MGST1: variants seen among roughly 807,000 people sequenced by gnomAD.
The protein encoded by MGST1 is glutathione S-transferase 12.
Under a neutral mutation model 8.9 loss-of-function variants are expected in MGST1, and 5 were observed. That is an observed-to-expected ratio of 0.56 (90% CI 0.29 to 1.19). MGST1 has a LOEUF of 1.19. Ranked by LOEUF, MGST1 falls within the 50% of genes most tolerant of loss-of-function variation. The pLI is 0.08. For synonymous variants in MGST1, 54 were observed against 67.8 expected, an observed-to-expected ratio of 0.80 and a Z score of 1.00; for missense variants, 182 against 187.4, an observed-to-expected ratio of 0.97 and a Z score of 0.17.
At chr12:16,375,509 CAACAG>C (rs1187005769) in intron 3 of MGST1, among the ~76,000 whole-genome samples, 1 of 151,926 alleles carries the variant, frequency 6.6e-6, no homozygotes, top group East Asian at 1.9e-4. Context: ...AATGGTAGGA[CAACAG>C]AATATGAAAA....
chr12:16,540,680 C>A (rs1433633174), intron 4 of MGST1, among the ~76,000 whole-genome samples: 1 of 152,168 alleles, frequency 6.6e-6, no homozygotes, highest in African/African-American at 2.4e-5. Context: ...CCTGTAATGC[C>A]AGCACTTTGG....
intron 1 of MGST1, among the ~76,000 whole-genome samples, chr12:16,415,137 T>C (rs765800441): frequency 2.1e-4 from 32 of 152,242 alleles, no homozygotes; most frequent in Non-Finnish European, 3.8e-4. Context: ...ATAGTAGATA[T>C]GTACATTTTC....
intron 4 of MGST1, among the ~76,000 whole-genome samples, chr12:16,535,190 A>G (rs1706417826): frequency 6.6e-6 from 1 of 152,224 alleles, no homozygotes; most frequent in African/African-American, 2.4e-5. Flanking sequence ...TCTAGCCACT[A>G]GCCCACTCTT....
At chr12:16,501,869 C>T (rs1349901974) in intron 4 of MGST1, among the ~76,000 whole-genome samples, 2 of 152,066 alleles carry the variant, frequency 1.3e-5, no homozygotes, top group Non-Finnish European at 2.9e-5. Context: ...TCAAACAGAA[C>T]TGTGAATTAA....
rs528822319 is a variant in MGST1 at position 16,399,142 on chromosome 12, G to A, written n.778+15538G>A. The stretch of plus-strand genomic sequence containing the variant: ...TCCGAGTAGATTGGTCCACATAAAT[G>A]GCCCCCGAAACCCATAAACACAAAT... On this transcript the variant is annotated intron_variant and non_coding_transcript_variant, in intron 1 of 1. Transcript: ENST00000359720. 1.5e-4 allele frequency: 127 copies of A among 853,464 alleles called. 2 individuals are homozygous for A. The South Asian group carries it at 1.9e-3, about 13-fold the overall frequency. The allele number at this position is 853,464 out of a possible 1,614,324, so 52.9% of individuals were successfully genotyped here. A position where few individuals can be genotyped will look rare whatever the true frequency, so the allele number is the denominator to read the frequency against.
At chr12:16,429,768 T>G (rs1940922783) in intron 1 of MGST1, among the ~76,000 whole-genome samples, 1 of 152,206 alleles carries the variant, frequency 6.6e-6, no homozygotes, top group Admixed American at 6.5e-5. Flanking sequence ...GTCATAATCA[T>G]GTTGCTGGTG....
At chr12:16,392,901 G>C (rs948307220) in intron 1 of MGST1, among the ~76,000 whole-genome samples, 8 of 151,878 alleles carry the variant, frequency 5.3e-5, no homozygotes, top group Non-Finnish European at 8.8e-5. Context: ...TCTATCTAGA[G>C]GGACCTAGAG....
At chr12:16,565,305 T>A (rs1289911325) in intron 4 of MGST1, among the ~76,000 whole-genome samples, 1 of 152,236 alleles carries the variant, frequency 6.6e-6, no homozygotes, top group Non-Finnish European at 1.5e-5. Context: ...TTTCACAGAT[T>A]GAAGGACAAT....
intron 4 of MGST1, among the ~76,000 whole-genome samples, chr12:16,540,354 C>T (rs1371807918): frequency 6.6e-6 from 1 of 152,152 alleles, no homozygotes; most frequent in Non-Finnish European, 1.5e-5. Flanking sequence ...CTCACTGAAG[C>T]CTTTACCTCC....
At chr12:16,538,595 A>G (rs1283353671) in intron 4 of MGST1, among the ~76,000 whole-genome samples, 1 of 149,418 alleles carries the variant, frequency 6.7e-6, no homozygotes, top group East Asian at 2.0e-4. Flanking sequence ...ATGGCAAGAG[A>G]TGAAAGGCAC....
intron 1 of MGST1, among the ~76,000 whole-genome samples, chr12:16,424,506 T>G (rs185351491): frequency 7.2e-5 from 11 of 152,316 alleles, no homozygotes; most frequent in African/African-American, 2.6e-4. Flanking sequence ...GAAATTTTTC[T>G]TTTCCTCTAA....
intron 4 of MGST1, chr12:16,549,451 G>A (rs1295930877): frequency 1.3e-5 from 2 of 152,406 alleles, no homozygotes; most frequent in Non-Finnish European, 2.9e-5. Context: ...TCACATGCAT[G>A]TTCATAATAA....
chr12:16,390,727 T>C (rs1940545340), intron 1 of MGST1, among the ~76,000 whole-genome samples: 1 of 152,234 alleles, frequency 6.6e-6, no homozygotes, highest in South Asian at 2.1e-4. Flanking sequence ...GCATTTAGGT[T>C]GATTCCCTGT....
At position 16,576,483 on chromosome 12, in the gene MGST1, CCT is replaced by C. The variant is rs1942999699; in HGVS notation, n.483-13040_483-13039del. Among the ~76,000 whole-genome samples, 1 of 152,170 alleles carries C rather than the reference CCT, an allele frequency of 6.6e-6. No individual in the cohort carries two copies. Among genetic ancestry groups the C allele is most frequent in the South Asian group, 2.1e-4 (1 of 4,828 alleles). ...ATCAAATGTCAATGGATCTATGAAG[CCT>C]CTCTGATTTCCTTGAGGCAGAATAA... On this transcript the variant is annotated intron_variant and non_coding_transcript_variant, in intron 4 of 4. Coordinates refer to the MGST1 transcript ENST00000538857. The surrounding 1 kb of genome is among the most constrained non-coding windows in gnomAD (Gnocchi z 4.1).
chr12:16,485,425 A>C (rs1327258588), intron 4 of MGST1, among the ~76,000 whole-genome samples: 1 of 152,222 alleles, frequency 6.6e-6, no homozygotes, highest in Admixed American at 6.5e-5. Flanking sequence ...CCCGTTACAC[A>C]TGGCTCAGTA....
At chr12:16,352,316 A>G (rs1455731662) in intron 1 of MGST1, among the ~76,000 whole-genome samples, 1 of 152,218 alleles carries the variant, frequency 6.6e-6, no homozygotes, top group African/African-American at 2.4e-5. Context: ...ATACATATAA[A>G]TGTATAGATT....
In MGST1 at chr12:16,363,914, G is replaced by A. The variant is rs370060966; in HGVS notation, c.341G>A (p.Arg114Gln). ...CACTTCAGACTATTTGTCGGAGCAC[G>A]GATCTACCACACCATTGCATATTTG... ...ILHFRLFVGA[R>Q]IYHTIAYLTP... The change falls in exon 4 of 4, where the codon CGG becomes CAG. Residue 114 changes from arginine (R) to glutamine (Q), a missense_variant. Transcript: ENST00000396210. This position sits in a 1 kb window ranked among gnomAD's most constrained non-coding sequence, Gnocchi z 4.6. 7.3e-5 allele frequency: 118 copies of A among 1,613,800 alleles called. No individual in the cohort carries two copies. Among genetic ancestry groups the A allele is most frequent in the Non-Finnish European group, 9.4e-5 (111 of 1,179,904 alleles).
At chr12:16,526,021 T>C (rs1342490285) in intron 4 of MGST1, among the ~76,000 whole-genome samples, 2 of 146,490 alleles carry the variant, frequency 1.4e-5, no homozygotes, top group Admixed American at 6.8e-5. Flanking sequence ...TTTGTTTGAG[T>C]TCATTGTAGA....
intron 1 of MGST1, among the ~76,000 whole-genome samples, chr12:16,394,326 T>G (rs1253009987): frequency 6.6e-6 from 1 of 152,088 alleles, no homozygotes; most frequent in Non-Finnish European, 1.5e-5. Context: ...TCATTTAGTT[T>G]GTTTGCCAAT....
Sources: gnomAD v4.1 joint callset for allele counts (sites outside exome capture counted in the v4.1 genomes callset) on GRCh38, gnomAD v4.1.1 for gene constraint, Gnocchi (gnomAD v3.1) non-coding constraint, MANE v1.5 for transcripts, NCBI Gene and HGNC (gene_info 2026-07-23, HGNC 2026-07-21) for gene names.